The following SORCS2 variants were observed in gnomAD, a reference collection of about 807,000 sequenced individuals.
SORCS2 encodes the protein VPS10 domain-containing receptor SorCS2.
A neutral mutation model predicts 141.6 loss-of-function variants in SORCS2; 100 were observed. That is an observed-to-expected ratio of 0.71 (90% confidence interval 0.60 to 0.83). The LOEUF is 0.83. SORCS2 is among the 40% of genes least tolerant of loss of function. The probability of loss-of-function intolerance (pLI) is 0.00; values close to 1 mark genes in which losing one functional copy is unlikely to be tolerated. For synonymous variants in SORCS2, 789 were observed against 676.9 expected (o/e 1.17, Z -2.57); for missense variants, 1,646 against 1,560.2 (o/e 1.05, Z -0.93).
Position 7,326,725 on chromosome 4 carries a change from C to CGGGTGG in SORCS2, c.481-69563_481-69562insGGGTGG, listed in dbSNP as rs1719286494. On this transcript the variant is annotated intron_variant, in intron 1 of 26. Coordinates refer to ENST00000507866, the MANE Select transcript of SORCS2 (RefSeq NM_020777.3). ...TTCACCCTCTTGTCACCCTCCCAAG[C>CGGGTGG]CTGGGACAGCGGAGAGGCTGGAGGC... Among the ~76,000 whole-genome samples the CGGGTGG allele has an allele frequency of 3.3e-5, 5 of 152,358 alleles. No individual in the cohort carries two copies. In the East Asian group the frequency reaches 9.7e-4, roughly 29 times the overall value.
intron 1 of SORCS2, among the ~76,000 whole-genome samples, chr4:7,260,944 G>A (rs566372134): frequency 2.0e-5 from 3 of 152,308 alleles, no homozygotes; most frequent in South Asian, 2.1e-4. Flanking sequence ...TCCTTGAGGC[G>A]CTCATAGCAC....
intron 2 of SORCS2, among the ~76,000 whole-genome samples, chr4:7,435,729 G>A (rs1021985887): frequency 1.4e-4 from 21 of 152,244 alleles, no homozygotes; most frequent in Admixed American, 1.3e-3. Flanking sequence ...TTCTTCCTTA[G>A]TTTTTAAAAT....
chr4:7,350,666 A>C (rs1271285307), intron 1 of SORCS2, among the ~76,000 whole-genome samples: 1 of 152,222 alleles, frequency 6.6e-6, no homozygotes, highest in Non-Finnish European at 1.5e-5. Context: ...CTGGGCAGTG[A>C]CCAGGCCCGT....
chr4:7,686,022 C>T (rs964306450), intron 10 of SORCS2, among the ~76,000 whole-genome samples: 1 of 152,212 alleles, frequency 6.6e-6, no homozygotes, highest in African/African-American at 2.4e-5. Context: ...TTCGCTCATA[C>T]ACACGTTATG....
chr4:7,319,314 C>T (rs1718754265), intron 1 of SORCS2, among the ~76,000 whole-genome samples: 1 of 152,152 alleles, frequency 6.6e-6, no homozygotes, highest in Non-Finnish European at 1.5e-5. Flanking sequence ...TTCAGTCCTT[C>T]TAATCATGAA....
intron 3 of SORCS2, among the ~76,000 whole-genome samples, chr4:7,621,865 G>A (rs1012734985): frequency 6.6e-6 from 1 of 152,188 alleles, no homozygotes; most frequent in Admixed American, 6.5e-5. Flanking sequence ...CCTCTGGGGC[G>A]GTGTCCAGCC....
intron 1 of SORCS2, among the ~76,000 whole-genome samples, chr4:7,378,090 C>G (rs1392043320): frequency 6.6e-6 from 1 of 152,168 alleles, no homozygotes; most frequent in Non-Finnish European, 1.5e-5. Context: ...CATGGAGAAG[C>G]TAAAGCTGCA....
At chr4:7,701,698 T>C (rs1192708252) in intron 12 of SORCS2, among the ~76,000 whole-genome samples, 1 of 152,140 alleles carries the variant, frequency 6.6e-6, no homozygotes, top group Admixed American at 6.5e-5. Flanking sequence ...CTGGGGTTCA[T>C]GTTCTTGCAG....
At chr4:7,430,916 G>A (rs554674514) in intron 2 of SORCS2, 1 of 152,494 alleles carries the variant, frequency 6.6e-6, no homozygotes, top group South Asian at 2.1e-4. Context: ...GCACCAGTGG[G>A]CCCGTCCCTT....
At chr4:7,246,585 A>G (rs1029774514) in intron 1 of SORCS2, among the ~76,000 whole-genome samples, 1 of 152,222 alleles carries the variant, frequency 6.6e-6, no homozygotes, top group African/African-American at 2.4e-5. Context: ...CTGTGGCTCA[A>G]AGCCAAAGTG....
chr4:7,495,879 G>C (rs1157562209), intron 2 of SORCS2, among the ~76,000 whole-genome samples: 1 of 152,212 alleles, frequency 6.6e-6, no homozygotes, highest in African/African-American at 2.4e-5. Context: ...CTGAGGCCCA[G>C]GGTGCCTGCA....
chr4:7,574,288 A>T (rs1449539431), intron 3 of SORCS2, among the ~76,000 whole-genome samples: 1 of 152,208 alleles, frequency 6.6e-6, no homozygotes, highest in Non-Finnish European at 1.5e-5. Context: ...CACCTTGATG[A>T]CTGGCTTCCC....
chr4:7,646,582 A>G (rs1721094118), intron 4 of SORCS2, among the ~76,000 whole-genome samples: 2 of 152,088 alleles, frequency 1.3e-5, no homozygotes, highest in African/African-American at 2.4e-5. Flanking sequence ...GAGAGCTATG[A>G]TTGCACCACT....
intron 1 of SORCS2, among the ~76,000 whole-genome samples, chr4:7,372,885 C>T (rs939037608): frequency 1.3e-5 from 2 of 152,122 alleles, no homozygotes; most frequent in African/African-American, 4.8e-5. Flanking sequence ...TTGGTGCTGG[C>T]ATGTCTGTTC....
At chr4:7,483,169 A>G (rs1310341953) in intron 2 of SORCS2, among the ~76,000 whole-genome samples, 1 of 152,006 alleles carries the variant, frequency 6.6e-6, no homozygotes, top group African/African-American at 2.4e-5. Flanking sequence ...ACAAAATACA[A>G]AAAATTAGCC....
intron 1 of SORCS2, among the ~76,000 whole-genome samples, chr4:7,392,111 AG>A (rs2109101998): frequency 6.6e-6 from 1 of 152,346 alleles, no homozygotes; most frequent in African/African-American, 2.4e-5. Context: ...GTGGCTGCGC[AG>A]GTTGCAGACC....
chr4:7,504,701 G>C (rs1263155060), intron 2 of SORCS2, among the ~76,000 whole-genome samples: 1 of 152,204 alleles, frequency 6.6e-6, no homozygotes, highest in Non-Finnish European at 1.5e-5. Context: ...TCGCTATCAC[G>C]AGTAGTAAGT....
intron 1 of SORCS2, among the ~76,000 whole-genome samples, chr4:7,349,469 C>T (rs1431413750): frequency 6.6e-6 from 1 of 152,132 alleles, no homozygotes; most frequent in African/African-American, 2.4e-5. Flanking sequence ...GACTTTATCC[C>T]CAGGCCCTGG....
chr4:7,193,190 A>G lies in SORCS2; in HGVS notation c.480+64A>G. 1.4e-6 allele frequency: 2 copies of G among 1,396,196 alleles called. No homozygotes were observed. Among genetic ancestry groups the G allele is most frequent in the Non-Finnish European group, 9.3e-7 (1 of 1,077,774 alleles). 86.5% of individuals were successfully genotyped at this position (1,396,196 alleles called of 1,614,324 possible). A position where few individuals can be genotyped will look rare whatever the true frequency, so the allele number is the denominator to read the frequency against. On this transcript the variant is annotated intron_variant, in intron 1 of 26. Transcript: ENST00000507866. The surrounding 1 kb of genome is among the most constrained non-coding windows in gnomAD (Gnocchi z 4.8). Reference sequence around the variant, plus strand: ...GGACACCGCGGGACACCCGGGCGGGACCGCCACGGCCCCCACCCCAGATCC... The same window carrying G: ...GGACACCGCGGGACACCCGGGCGGGGCCGCCACGGCCCCCACCCCAGATCC...
Sources: allele counts gnomAD v4.1 joint callset (sites outside exome capture counted in the v4.1 genomes callset), GRCh38; gene constraint gnomAD v4.1.1; non-coding constraint Gnocchi (gnomAD v3.1); transcripts MANE v1.5; gene names NCBI Gene and HGNC (gene_info 2026-07-23, HGNC 2026-07-21).